PPHLN1: variants seen among roughly 807,000 people sequenced by gnomAD.
The protein encoded by PPHLN1 is periphilin-1.
A neutral mutation model predicts 51.3 loss-of-function variants in PPHLN1; 29 were observed. That is an observed-to-expected ratio of 0.57 (90% confidence interval 0.42 to 0.77). The LOEUF (loss-of-function observed/expected upper bound fraction) is 0.77, where lower values mean the gene tolerates loss of function less well. Ranked by LOEUF, PPHLN1 falls within the 30% of genes least tolerant of loss-of-function variation. The pLI is 0.00. For synonymous variants in PPHLN1, 147 were observed against 147.8 expected, an observed-to-expected ratio of 0.99 and a Z score of 0.04; for missense variants, 436 against 438.4, an observed-to-expected ratio of 0.99 and a Z score of 0.05.
intron 9 of PPHLN1, among the ~76,000 whole-genome samples, chr12:42,415,716 G>T (rs149927881): frequency 2.0e-5 from 3 of 152,318 alleles, no homozygotes; most frequent in East Asian, 3.9e-4. Context: ...CAGTTTAAAA[G>T]AATGTGTTTC....
chr12:42,389,757 G>A (rs901655239), intron 7 of PPHLN1, among the ~76,000 whole-genome samples: 2 of 152,140 alleles, frequency 1.3e-5, no homozygotes, highest in East Asian at 3.9e-4. Context: ...CTGGTGGATT[G>A]TGCTTTTATT....
intron 4 of PPHLN1, among the ~76,000 whole-genome samples, chr12:42,362,489 C>T (rs182379070): frequency 2.0e-5 from 3 of 152,292 alleles, no homozygotes; most frequent in Admixed American, 6.5e-5. Flanking sequence ...CCACGTCATT[C>T]TTTGGTCACC....
rs568714839 is a variant in PPHLN1 at position 42,412,967 on chromosome 12, T to C, written c.909+13973T>C. Among the ~76,000 whole-genome samples the C allele has an allele frequency of 2.6e-5, 4 of 152,306 alleles. No individual in the cohort carries two copies. The South Asian group carries it at 6.2e-4, about 24-fold the overall frequency. ...GTCATTTGCCCACCTTTTGAGGAGA[T>C]GATTATTATTTTTTCTTGCTGATTT... On this transcript the variant is annotated intron_variant, in intron 9 of 9. Coordinates refer to ENST00000358314, the MANE Select transcript of PPHLN1 (RefSeq NM_201439.2).
At chr12:42,383,018 ATTAC>A (rs1347687067) in intron 5 of PPHLN1, among the ~76,000 whole-genome samples, 1 of 152,222 alleles carries the variant, frequency 6.6e-6, no homozygotes, top group African/African-American at 2.4e-5. Context: ...TAAAACAATA[ATTAC>A]TTACTTGTTC....
chr12:42,360,458 C>CTTTTTTTTTTTTTTTTTTTTTTTTTTTT (rs71084642), intron 4 of PPHLN1, among the ~76,000 whole-genome samples: 2 of 56,292 alleles, frequency 3.6e-5, no homozygotes, highest in East Asian at 6.6e-4. Flanking sequence ...ATGCTGAATT[C>CTTTTTTTTTTTTTTTTTTTTTTTTTTTT]TTTTTTTTTT....
chr12:42,422,428 A>AG (rs2081087156), intron 9 of PPHLN1, among the ~76,000 whole-genome samples: 1 of 152,214 alleles, frequency 6.6e-6, no homozygotes, highest in Non-Finnish European at 1.5e-5. Flanking sequence ...GTAAGGTTAA[A>AG]GGGGAAATGA....
chr12:42,402,423 A>C (rs1280090256), intron 9 of PPHLN1, among the ~76,000 whole-genome samples: 3 of 152,152 alleles, frequency 2.0e-5, no homozygotes, highest in Non-Finnish European at 1.5e-5. Flanking sequence ...CTTTATTAAG[A>C]GTCTGTTGTA....
intron 5 of PPHLN1, among the ~76,000 whole-genome samples, chr12:42,376,338 T>G (rs934528218): frequency 6.6e-6 from 1 of 152,268 alleles, no homozygotes; most frequent in Admixed American, 6.5e-5. Context: ...TCAGATTGTC[T>G]TCCCTTGAAG....
rs140537598 is a variant in PPHLN1, at chr12:42,422,281, T to A, written c.910-19034T>A. Among the ~76,000 whole-genome samples, 713 of 152,356 alleles carry A rather than the reference T, an allele frequency of 4.7e-3. 7 individuals are homozygous for A. The highest frequency in any genetic ancestry group is 0.016 in the African/African-American group (686 of 41,580). ...GAGAGCAAAGCCACATTTTGATGTT[T>A]ATGCTTTTTATTGTGATAGGACACT... is the stretch of plus-strand genomic sequence containing the variant. On this transcript the variant is annotated intron_variant, in intron 9 of 9. Transcript: ENST00000358314.
chr12:42,345,277 G>C (rs963863983), intron 2 of PPHLN1, among the ~76,000 whole-genome samples: 8 of 151,970 alleles, frequency 5.3e-5, no homozygotes, highest in Admixed American at 3.9e-4. Context: ...GTAATCTTAG[G>C]GGTGAGACCT....
intron 9 of PPHLN1, among the ~76,000 whole-genome samples, chr12:42,434,752 G>A (rs1271122429): frequency 3.3e-5 from 5 of 152,136 alleles, no homozygotes; most frequent in Non-Finnish European, 7.4e-5. Flanking sequence ...GGAGTGCAAC[G>A]GCGCGATCTC....
chr12:42,398,347 AATAT>A (rs2078466699), intron 8 of PPHLN1, among the ~76,000 whole-genome samples: 1 of 152,126 alleles, frequency 6.6e-6, no homozygotes, highest in Non-Finnish European at 1.5e-5. Flanking sequence ...ATTCCCTTTA[AATAT>A]ATTTCTTTAT....
At chr12:42,417,708 A>G (rs770841398) in intron 9 of PPHLN1, among the ~76,000 whole-genome samples, 1 of 128,680 alleles carries the variant, frequency 7.8e-6, no homozygotes, top group Non-Finnish European at 1.8e-5. Context: ...TGATGATTTT[A>G]TAGAAAAAAA....
At chr12:42,440,137 CTATT>C (rs1365851350) in intron 9 of PPHLN1, among the ~76,000 whole-genome samples, 12 of 149,578 alleles carry the variant, frequency 8.0e-5, no homozygotes, top group African/African-American at 2.2e-4. Flanking sequence ...TATTTATATT[CTATT>C]TATTTATATC....
chr12:42,404,550 C>CAACAACAACAACAAAAAA (rs1232357232), intron 9 of PPHLN1, among the ~76,000 whole-genome samples: 12 of 152,106 alleles, frequency 7.9e-5, no homozygotes, highest in African/African-American at 2.9e-4. Context: ...ACAACAACAA[C>CAACAACAACAACAAAAAA]AAAAATATTT....
rs751826073 is a variant in PPHLN1 at position 42,384,907 on chromosome 12, G to A, written c.512-33G>A. The A allele has an allele frequency of 1.9e-6, 3 of 1,558,948 alleles. No individual in the cohort carries two copies. In the East Asian group the frequency reaches 6.7e-5, roughly 35 times the overall value. ...TGTTCCTCTTGGGCACAGAGGTGCT[G>A]CTGTTAATTCCTCCCTGCCCACCTT... On this transcript the variant is annotated intron_variant, in intron 5 of 9. Coordinates refer to ENST00000358314, the MANE Select transcript of PPHLN1 (RefSeq NM_201439.2).
At chr12:42,357,075 A>T (rs12579754) in intron 4 of PPHLN1, among the ~76,000 whole-genome samples, 24,732 of 152,150 alleles carry the variant, frequency 0.16, 2,056 homozygotes, top group Admixed American at 0.2. Context: ...TCACCAAAAG[A>T]GTATGAGGCC....
chr12:42,386,583 G>A (rs2077211551), intron 6 of PPHLN1, among the ~76,000 whole-genome samples: 1 of 152,124 alleles, frequency 6.6e-6, no homozygotes, highest in African/African-American at 2.4e-5. Flanking sequence ...GCTTCTGTGT[G>A]ACTCCAAATT....
intron 8 of PPHLN1, among the ~76,000 whole-genome samples, chr12:42,398,295 G>A (rs2078460456): frequency 6.6e-6 from 1 of 152,092 alleles, no homozygotes; most frequent in African/African-American, 2.4e-5. Context: ...TAGGCTACAG[G>A]AGCAAGGTGA....
Sources: gnomAD v4.1 joint callset for allele counts (sites outside exome capture counted in the v4.1 genomes callset) on GRCh38, gnomAD v4.1.1 for gene constraint, MANE v1.5 for transcripts, NCBI Gene and HGNC (gene_info 2026-07-23, HGNC 2026-07-21) for gene names.